The following PTPN22 variants were observed in gnomAD, a reference collection of about 807,000 sequenced individuals.
PTPN22 encodes the protein protein tyrosine phosphatase non-receptor type 22.
In PTPN22, 85 loss-of-function variants were observed where a neutral mutation model predicts 103.3. The observed-to-expected ratio is 0.82, with a 90% CI of 0.69 to 0.99. The LOEUF is 0.99. Ranked by LOEUF, PTPN22 falls within the 50% of genes least tolerant of loss-of-function variation. The pLI, the probability that PTPN22 is intolerant of heterozygous loss-of-function variation, is 0.00. For synonymous variants in PTPN22, 323 were observed against 310.2 expected, an observed-to-expected ratio of 1.04 and a Z score of -0.43; for missense variants, 865 against 936.9, an observed-to-expected ratio of 0.92 and a Z score of 1.00.
chr1:113,824,966 CAA>C (rs35424386), intron 19 of PTPN22, among the ~76,000 whole-genome samples, 174 bp downstream of exon 19: 5 of 65,156 alleles, frequency 7.7e-5, no homozygotes, highest in South Asian at 1.0e-3. Context: ...TGAAGCCTAG[CAA>C]AAAAAAAAAA....
At chr1:113,858,377 C>T (rs959487087) in intron 4 of PTPN22, 101 bp downstream of exon 4, 1 of 769,424 alleles carries the variant, frequency 1.3e-6, no homozygotes, top group Non-Finnish European at 2.0e-6. Context: ...GTGATTCTGA[C>T]TAAAAGATGC....
At chr1:113,859,535 T>C in intron 1 of PTPN22, 75 bp from the exon 2 acceptor site, 2 of 1,192,094 alleles carry the variant, frequency 1.7e-6, no homozygotes, top group Non-Finnish European at 2.5e-6. Context: ...GAGCTTTCCT[T>C]TTCCACTGGC....
At chr1:113,858,921 G>C in intron 3 of PTPN22, 81 bp downstream of exon 3, 1 of 1,534,166 alleles carries the variant, frequency 6.5e-7, no homozygotes, top group East Asian at 2.3e-5. Context: ...TTACAGGCAT[G>C]AGCCACTGAG....
chr1:113,814,749 T>C (rs552156289), exon 21 of PTPN22: 9 of 632,000 alleles, frequency 1.4e-5, no homozygotes, highest in East Asian at 5.8e-5. Context: ...CTGGCACTTA[T>C]TGGCATTTTG....
chr1:113,843,099 C>CAAA lies in PTPN22; in HGVS notation c.916-4482_916-4480dup, dbSNP rs71090738. ...TGGGCGACAGAGCGAGACTCCGTCT[C>CAAA]AAAAAAAAAAAAAAAGAAAACTAAA... On this transcript the variant is annotated intron_variant, in intron 11 of 20. Transcript: ENST00000359785. Among the ~76,000 whole-genome samples, 63 of 47,906 alleles carry CAAA rather than the reference C, an allele frequency of 1.3e-3. 5 individuals are homozygous for CAAA. Among genetic ancestry groups the CAAA allele is most frequent in the African/African-American group, 3.8e-3 (33 of 8,574 alleles). The allele number at this position is 47,906 out of a possible 152,430, so 31.4% of individuals were successfully genotyped here.
intron 5 of PTPN22, 126 bp downstream of exon 5, chr1:113,857,612 A>T: frequency 1.2e-6 from 1 of 831,956 alleles, no homozygotes; most frequent in Non-Finnish European, 1.9e-6. Context: ...GCATTCCCAA[A>T]CTGAAAACTA....
At chr1:113,846,261 T>C (rs1321480081) in intron 11 of PTPN22, among the ~76,000 whole-genome samples, 1 of 152,206 alleles carries the variant, frequency 6.6e-6, no homozygotes, top group Non-Finnish European at 1.5e-5. Context: ...AATTCCATTT[T>C]GATTTACCTA....
chr1:113,842,589 G>T (rs1015847595), intron 11 of PTPN22, among the ~76,000 whole-genome samples: 4 of 151,834 alleles, frequency 2.6e-5, no homozygotes, highest in Non-Finnish European at 5.9e-5. Flanking sequence ...CAGGAGAATC[G>T]CTTGAACCCG....
chr1:113,833,037 A>G, intron 16 of PTPN22, 74 bp downstream of exon 16: 1 of 1,380,712 alleles, frequency 7.2e-7, no homozygotes, highest in African/African-American at 1.4e-5. Context: ...CCTGAAGTGA[A>G]TTACTCTAAA....
chr1:113,861,229 TTTTG>T (rs1008706901), intron 1 of PTPN22, among the ~76,000 whole-genome samples: 103 of 152,280 alleles, frequency 6.8e-4, no homozygotes, highest in African/African-American at 2.4e-3. Flanking sequence ...CTTTCTGTTT[TTTTG>T]TTTGTTTGTT....
chr1:113,854,683 G>A, intron 8 of PTPN22, 146 bp from the exon 9 acceptor site: 2 of 993,874 alleles, frequency 2.0e-6, no homozygotes, highest in Non-Finnish European at 1.5e-6. Flanking sequence ...ATTTCCCAGA[G>A]CCCATTTGTC....
chr1:113,862,041 G>A (rs1237921485), intron 1 of PTPN22, among the ~76,000 whole-genome samples: 1 of 152,056 alleles, frequency 6.6e-6, no homozygotes. Flanking sequence ...AGCACTTTGG[G>A]ATGCCGAGGC....
rs552588221 is a variant in PTPN22, at chr1:113,833,185, A to G, written c.2026-47T>C. 5 of 1,444,620 alleles carry G rather than the reference A, an allele frequency of 3.5e-6. No homozygotes were observed. In the South Asian group the frequency reaches 4.9e-5, roughly 14 times the overall value. 89.5% of individuals were successfully genotyped at this position (1,444,620 alleles called of 1,614,324 possible). ...AAAGTGAAAGAAGAATATGTATACA[A>G]ATTATACAAACTCAAAGCAAAAAAT... On this transcript the variant is annotated intron_variant, in intron 15 of 20. Coordinates refer to ENST00000359785, the Ensembl canonical transcript of PTPN22.
exon 17 of PTPN22, chr1:113,829,999 G>A: frequency 6.2e-7 from 1 of 1,607,470 alleles, no homozygotes; most frequent in Non-Finnish European, 8.5e-7. Context: ...TGGGAGAGGA[G>A]GTGGGGGAGA....
intron 19 of PTPN22, 172 bp from the exon 20 acceptor site, chr1:113,819,826 A>G (rs1661445377): frequency 2.6e-6 from 1 of 390,010 alleles, no homozygotes. Flanking sequence ...TAATATTCTC[A>G]TTTGTATTTT....
intron 19 of PTPN22, among the ~76,000 whole-genome samples, chr1:113,820,343 A>G (rs1661484530): frequency 6.6e-6 from 1 of 152,092 alleles, no homozygotes; most frequent in South Asian, 2.1e-4. Context: ...CTCTAATCCC[A>G]GCTACTTGGG....
At chr1:113,849,594 ATTT>A (rs574631537) in intron 10 of PTPN22, among the ~76,000 whole-genome samples, 1 of 125,580 alleles carries the variant, frequency 8.0e-6, no homozygotes, top group African/African-American at 4.0e-5. Context: ...TTATTTATTT[ATTT>A]TTTTTTTTGA....
chr1:113,854,088 G>A (rs1450972389), intron 9 of PTPN22, among the ~76,000 whole-genome samples: 4 of 151,412 alleles, frequency 2.6e-5, no homozygotes, highest in Non-Finnish European at 3.0e-5. Flanking sequence ...AGATGGTCTC[G>A]ATCTCCTGAC....
chr1:113,870,585 T>C (rs1266562501), intron 1 of PTPN22, among the ~76,000 whole-genome samples: 1 of 152,194 alleles, frequency 6.6e-6, no homozygotes, highest in African/African-American at 2.4e-5. Flanking sequence ...TGAAGCTACC[T>C]TGTACTCATG....
Sources: allele counts gnomAD v4.1 joint callset (sites outside exome capture counted in the v4.1 genomes callset), GRCh38; gene constraint gnomAD v4.1.1; transcripts MANE v1.5; gene names NCBI Gene and HGNC (gene_info 2026-07-23, HGNC 2026-07-21).